LHFPL3: variants seen among roughly 807,000 people sequenced by gnomAD.
The protein encoded by LHFPL3 is LHFPL tetraspan subfamily member 3.
Under a neutral mutation model 19.3 loss-of-function variants are expected in LHFPL3, and 5 were observed. That is an observed-to-expected ratio of 0.26 (90% confidence interval 0.14 to 0.54). The LOEUF is 0.54. LHFPL3 is among the 20% of genes least tolerant of loss of function. The probability of loss-of-function intolerance (pLI) is 0.94; values close to 1 mark genes in which losing one functional copy is unlikely to be tolerated. For missense variants in LHFPL3, 249 were observed against 307.4 expected (o/e 0.81, Z 1.42); for synonymous variants, 133 against 126.2 (o/e 1.05, Z -0.36).
At chr7:104,638,022 G>T (rs779561280) in intron 1 of LHFPL3, among the ~76,000 whole-genome samples, 1 of 152,018 alleles carries the variant, frequency 6.6e-6, no homozygotes, top group Admixed American at 6.5e-5. Flanking sequence ...CTATTCATGA[G>T]CATGGTATGT....
intron 2 of LHFPL3, among the ~76,000 whole-genome samples, chr7:104,834,948 A>G (rs1424672399): frequency 2.6e-5 from 4 of 151,912 alleles, no homozygotes; most frequent in South Asian, 2.1e-4. Flanking sequence ...CCTGATTTAT[A>G]TTCATTAAAC....
chr7:104,589,014 G>T (rs1346253538), intron 1 of LHFPL3, among the ~76,000 whole-genome samples: 1 of 152,202 alleles, frequency 6.6e-6, no homozygotes, highest in Non-Finnish European at 1.5e-5. Flanking sequence ...ATTTTGGGCT[G>T]AGATGATGGG....
At chr7:104,600,898 C>A (rs905520692) in intron 1 of LHFPL3, among the ~76,000 whole-genome samples, 3 of 152,168 alleles carry the variant, frequency 2.0e-5, no homozygotes, top group Non-Finnish European at 4.4e-5. Context: ...TTGGACCAGG[C>A]ACTGTGCTGA....
intron 1 of LHFPL3, among the ~76,000 whole-genome samples, chr7:104,690,019 G>C (rs1011623194): frequency 6.6e-6 from 1 of 152,080 alleles, no homozygotes; most frequent in Non-Finnish European, 1.5e-5. Flanking sequence ...AAAAAAAATA[G>C]TAAATCAAAA....
intron 1 of LHFPL3, among the ~76,000 whole-genome samples, chr7:104,671,268 A>T (rs1041790885): frequency 5.3e-5 from 8 of 152,238 alleles, no homozygotes; most frequent in African/African-American, 1.4e-4. Flanking sequence ...AAAAAGAAAA[A>T]AAAACTATTG....
intron 1 of LHFPL3, among the ~76,000 whole-genome samples, chr7:104,565,380 T>G (rs944616178): frequency 5.9e-5 from 9 of 152,238 alleles, no homozygotes; most frequent in Admixed American, 2.0e-4. Flanking sequence ...AAAATGTTGC[T>G]ATTTATTTGA....
intron 1 of LHFPL3, among the ~76,000 whole-genome samples, chr7:104,642,258 G>A (rs1023543012): frequency 6.6e-6 from 1 of 151,812 alleles, no homozygotes; most frequent in East Asian, 1.9e-4. Flanking sequence ...GACTGGTCTC[G>A]AACTCCTTGC....
In LHFPL3 at chr7:104,902,852, C is replaced by T. The variant is rs528551380; in HGVS notation, c.683-3335C>T. On this transcript the variant is annotated intron_variant, in intron 2 of 2. Transcript: ENST00000424859. The stretch of plus-strand genomic sequence containing the variant: ...GAGGGATTTGGCCATATGAAGGCCA[C>T]GGGTGACCCAAGACCAGAGCAGATT... Among the ~76,000 whole-genome samples, 33 of 152,258 alleles carry T rather than the reference C, an allele frequency of 2.2e-4. No individual in the cohort carries two copies. The South Asian group carries it at 4.8e-3, about 22-fold the overall frequency.
chr7:104,563,281 C>G (rs1483174837), intron 1 of LHFPL3, among the ~76,000 whole-genome samples: 37 of 152,328 alleles, frequency 2.4e-4, no homozygotes, highest in African/African-American at 7.7e-4. Context: ...CTCCCCCAGC[C>G]TCGCTGCCGC....
intron 1 of LHFPL3, among the ~76,000 whole-genome samples, chr7:104,335,541 A>T (rs2106503): frequency 6.6e-6 from 1 of 152,114 alleles, no homozygotes; most frequent in East Asian, 1.9e-4. Context: ...AGATTTTAAG[A>T]AAACATCTGT....
chr7:104,563,751 C>A (rs2094749570), intron 1 of LHFPL3, among the ~76,000 whole-genome samples: 1 of 152,188 alleles, frequency 6.6e-6, no homozygotes, highest in Admixed American at 6.5e-5. Flanking sequence ...TCACCACACA[C>A]CAGATCTGCC....
chr7:104,868,963 CAAGA>C (rs1355967114), intron 2 of LHFPL3, among the ~76,000 whole-genome samples: 1 of 152,134 alleles, frequency 6.6e-6, no homozygotes, highest in Non-Finnish European at 1.5e-5. Flanking sequence ...CTGACAAAAA[CAAGA>C]AATGGGGAAA....
chr7:104,329,077 C>T lies in LHFPL3; in HGVS notation c.298C>T (p.Leu100=), dbSNP rs185070516. 1,293 of 1,614,068 alleles carry T rather than the reference C, an allele frequency of 8.0e-4. 4 individuals carry two copies. The highest frequency in any genetic ancestry group is 1.7e-3 in the Admixed American group (101 of 60,036). The change falls in exon 1 of 3, where the codon CTG becomes TTG. Residue 100 remains leucine, a synonymous_variant. Transcript: ENST00000424859. ...GGGCAGCTTCACGGACTTCTCCACG[C>T]TGCCCTCGGGCGCCTTCAAAGCCGC... ...CRGSFTDFST[L]PSGAFKAASF...
intron 1 of LHFPL3, among the ~76,000 whole-genome samples, chr7:104,590,504 A>G (rs1173249383): frequency 6.6e-6 from 1 of 152,200 alleles, no homozygotes; most frequent in Admixed American, 6.5e-5. Flanking sequence ...CTGTTCTTTT[A>G]CATTTACTGA....
At chr7:104,526,675 A>T (rs146016283) in intron 1 of LHFPL3, among the ~76,000 whole-genome samples, 3 of 152,214 alleles carry the variant, frequency 2.0e-5, no homozygotes, top group Non-Finnish European at 2.9e-5. Flanking sequence ...TGATGTTGCA[A>T]TTCAGACTTT....
chr7:104,862,052 T>C (rs1302283908), intron 2 of LHFPL3, among the ~76,000 whole-genome samples: 3 of 152,034 alleles, frequency 2.0e-5, no homozygotes. Flanking sequence ...TGCTGCCGAG[T>C]ATCTCTTACA....
chr7:104,514,932 G>T (rs1793891578), intron 1 of LHFPL3, among the ~76,000 whole-genome samples: 1 of 152,074 alleles, frequency 6.6e-6, no homozygotes, highest in South Asian at 2.1e-4. Flanking sequence ...CTTCTTTTCT[G>T]TTAGAATAAT....
chr7:104,441,666 C>T (rs1792226860), intron 1 of LHFPL3, among the ~76,000 whole-genome samples: 1 of 152,184 alleles, frequency 6.6e-6, no homozygotes, highest in Non-Finnish European at 1.5e-5. Flanking sequence ...GCCTCCACCT[C>T]CTGGGTTCAA....
intron 2 of LHFPL3, among the ~76,000 whole-genome samples, chr7:104,793,980 G>C (rs1237346636): frequency 6.6e-6 from 1 of 152,200 alleles, no homozygotes; most frequent in African/African-American, 2.4e-5. Flanking sequence ...CGGTGTGGAT[G>C]GGAAGGGAGC....
Sources: allele counts gnomAD v4.1 joint callset (sites outside exome capture counted in the v4.1 genomes callset), GRCh38; gene constraint gnomAD v4.1.1; transcripts MANE v1.5; gene names NCBI Gene and HGNC (gene_info 2026-07-23, HGNC 2026-07-21).